The following DNAH2 variants were observed in gnomAD, a reference collection of about 807,000 sequenced individuals.
DNAH2 encodes the protein axonemal beta dynein heavy chain 2.
In DNAH2, 323 loss-of-function variants were observed where a neutral mutation model predicts 523.5. That is an observed-to-expected ratio of 0.62 (90% CI 0.56 to 0.68). The LOEUF (loss-of-function observed/expected upper bound fraction) is 0.68. Ranked by LOEUF, DNAH2 falls within the 30% of genes least tolerant of loss-of-function variation. The pLI, the probability that DNAH2 is intolerant of heterozygous loss-of-function variation, is 0.00. For synonymous variants in DNAH2, 2,093 were observed against 2,177.4 expected (o/e 0.96, Z 1.08); for missense variants, 4,907 against 5,701.5 (o/e 0.86, Z 4.49).
At chr17:7,796,044 GATT>G (rs1343180237) in intron 49 of DNAH2, among the ~76,000 whole-genome samples, 8 of 119,146 alleles carry the variant, frequency 6.7e-5, no homozygotes, top group African/African-American at 2.3e-4. Flanking sequence ...CTGAGTTTAG[GATT>G]TTTTTTTTTT....
In DNAH2 at chr17:7,798,530, G is replaced by A. The variant is rs767993567; in HGVS notation, c.8399-28G>A. 2.5e-6 allele frequency: 4 copies of A among 1,612,554 alleles called. No homozygotes were observed. The highest frequency in any genetic ancestry group is 2.5e-6 in the Non-Finnish European group (3 of 1,179,462). Reference sequence around the variant, plus strand: ...GCCCAGGATGGGGAATCTGCAGTGAGTTTGTCCTCCTTCCCTCCCCCGGCC... The same window carrying A: ...GCCCAGGATGGGGAATCTGCAGTGAATTTGTCCTCCTTCCCTCCCCCGGCC... On this transcript the variant is annotated intron_variant, in intron 54 of 85. Transcript: ENST00000572933. This position sits in a 1 kb window ranked among gnomAD's most constrained non-coding sequence, Gnocchi z 5.5.
chr17:7,770,202 G>C, intron 24 of DNAH2, 50 bp from the exon 25 acceptor site: 3 of 1,531,880 alleles, frequency 2.0e-6, no homozygotes, highest in Non-Finnish European at 1.8e-6. Context: ...AGACAGCAAT[G>C]GAGTGATGGT....
At chr17:7,823,400 A>G in intron 73 of DNAH2, 42 bp from the exon 74 acceptor site, 1 of 1,584,688 alleles carries the variant, frequency 6.3e-7, no homozygotes, top group Non-Finnish European at 8.6e-7. Flanking sequence ...CTTTTGAAGT[A>G]TTCCCAAGTC....
In DNAH2 at chr17:7,719,774, C is replaced by G. The variant is rs149831565; in HGVS notation, c.40C>G (p.Arg14Gly). 1 of 1,614,114 alleles carries G rather than the reference C, an allele frequency of 6.2e-7. No individual in the cohort carries two copies. The highest frequency in any genetic ancestry group is 2.2e-5 in the East Asian group (1 of 44,878). ...TGAGAAGAAGCAGCGATTGAGTGGCCGAGGAAGCTCCCAGGCAAGCTGGTC... is the reference window on the plus strand; with the variant it reads ...TGAGAAGAAGCAGCGATTGAGTGGCGGAGGAAGCTCCCAGGCAAGCTGGTC... ...KAEKKQRLSG[R>G]GSSQASWSGR... is the part of the protein sequence containing the mutation. The change falls in exon 2 of 86, where the codon CGA becomes GGA. Residue 14 changes from arginine to glycine, a missense_variant. Arg to Gly is a moderately radical substitution (Grantham distance 125). Coordinates refer to ENST00000572933, the MANE Select transcript of DNAH2 (RefSeq NM_020877.5).
chr17:7,777,758 A>C, intron 33 of DNAH2, 124 bp downstream of exon 33: 4 of 1,233,712 alleles, frequency 3.2e-6, no homozygotes, highest in African/African-American at 1.5e-5. Context: ...CACTACCCTA[A>C]TCCGGTTCTT....
intron 63 of DNAH2, among the ~76,000 whole-genome samples, chr17:7,813,568 T>G (rs1365416748): frequency 6.6e-6 from 1 of 152,016 alleles, no homozygotes; most frequent in Non-Finnish European, 1.5e-5. Context: ...GTAAAAAAAA[T>G]AGTGAAGTAC....
intron 12 of DNAH2, among the ~76,000 whole-genome samples, chr17:7,750,080 C>G (rs1396809518): frequency 9.2e-5 from 14 of 152,118 alleles, no homozygotes; most frequent in Non-Finnish European, 2.1e-4. Flanking sequence ...CCCAGGATCT[C>G]TGCTCTGCTT....
Position 7,734,489 on chromosome 17 carries a change from C to T in DNAH2, c.759C>T (p.Thr253=), listed in dbSNP as rs1466389395. 6.2e-7 allele frequency: 1 copy of T among 1,613,518 alleles called. No homozygotes were observed. Among genetic ancestry groups the T allele is most frequent in the African/African-American group, 1.3e-5 (1 of 74,698 alleles). Residue 253 remains threonine, a synonymous_variant, in exon 7 of 86, where the codon ACC becomes ACT. Transcript: ENST00000572933. Reference sequence around the variant, plus strand: ...CTGCAGCCTCCATGATCCACTGGACCCGGCAGATAAAGGAGATGCTCAGTG... The same window carrying T: ...CTGCAGCCTCCATGATCCACTGGACTCGGCAGATAAAGGAGATGCTCAGTG... ...QRLETSMIHW[T]RQIKEMLSAQ...
rs750885343 is a variant in DNAH2 at position 7,833,220 on chromosome 17, G to T, written c.13128G>T (p.Lys4376Asn). The T allele has an allele frequency of 1.4e-5, 23 of 1,606,790 alleles. No homozygotes were observed. The highest frequency in any genetic ancestry group is 1.3e-5 in the African/African-American group (1 of 74,908). The change falls in exon 85 of 86, where the codon AAG becomes AAT. Residue 4376 changes from lysine (K) to asparagine (N), a missense_variant and splice_region_variant. Around this residue, in one of 3 missense-constraint regions of DNAH2, gnomAD observed 1,851 missense variants for 2,139.4 expected, o/e 0.87. Coordinates refer to ENST00000572933, the MANE Select transcript of DNAH2 (RefSeq NM_020877.5). The part of the protein sequence containing the change: ...RPAESRKKSA[K>N]GMYSCPCYYY... ...CAGAGAGCCGCAAGAAGAGCGCCAA[G>T]GGTGGGACAGCTCCCCAGGCAGGAC...
Position 7,770,821 on chromosome 17 carries a change from G to A in DNAH2, c.4250G>A (p.Arg1417His), listed in dbSNP as rs146759071. The A allele has an allele frequency of 6.6e-4, 1,058 of 1,614,162 alleles. 3 individuals carry two copies. In the African/African-American group the frequency reaches 0.01, roughly 16 times the overall value. Residue 1417 changes from arginine (R) to histidine (H), a missense_variant, in exon 27 of 86, where the codon CGC (arginine) becomes CAC (histidine). Transcript: ENST00000572933. ...QVALSTMKAS[R>H]FVKAFEKDVD... Reference sequence around the variant, plus strand: ...GCTCTGTCTACCATGAAGGCATCACGCTTTGTCAAGGCCTTTGAGAAGGAT... The same window carrying A: ...GCTCTGTCTACCATGAAGGCATCACACTTTGTCAAGGCCTTTGAGAAGGAT...
At position 7,824,298 on chromosome 17, in the gene DNAH2, A is replaced by C; in HGVS notation, c.11656A>C (p.Thr3886Pro). 1 of 1,521,502 alleles carries C rather than the reference A, an allele frequency of 6.6e-7. No homozygotes were observed. Among genetic ancestry groups the C allele is most frequent in the Non-Finnish European group, 8.8e-7 (1 of 1,139,130 alleles). 94.3% of individuals were successfully genotyped at this position (1,521,502 alleles called of 1,614,324 possible). ...IAARLLREGVTQGHWVFLANC... is the reference protein window; with the variant it reads ...IAARLLREGVPQGHWVFLANC... ...TGCTCGGCTCCTCCGAGAGGGTGTG[A>C]CTCAGGGTTGGTGTCCATCCTTTCT... Residue 3886 changes from threonine (T) to proline (P), a missense_variant, in exon 76 of 86, where the codon ACT (threonine) becomes CCT (proline). This residue lies in a region of DNAH2 where 1,851 missense variants were observed against 2,139.4 expected (regional missense o/e 0.87). Transcript: ENST00000572933.
intron 70 of DNAH2, 54 bp downstream of exon 70, chr17:7,818,830 T>C: frequency 6.2e-7 from 1 of 1,611,426 alleles, no homozygotes; most frequent in South Asian, 1.1e-5. Context: ...CCAGCCAGCC[T>C]CCACCCAGTC....
In DNAH2 at chr17:7,798,150, C is replaced by A. The variant is rs779678369; in HGVS notation, c.8231-7C>A. ...ACTCATTACCCTCACACCCACCCCA[C>A]CCCCAGTCACACGGATCGTGCGGGT... On this transcript the variant is annotated splice_polypyrimidine_tract_variant and splice_region_variant and intron_variant, in intron 53 of 85. Coordinates refer to ENST00000572933, the MANE Select transcript of DNAH2 (RefSeq NM_020877.5). This position sits in a 1 kb window ranked among gnomAD's most constrained non-coding sequence, Gnocchi z 5.5. The A allele has an allele frequency of 2.1e-5, 33 of 1,583,144 alleles. No homozygotes were observed. The highest frequency in any genetic ancestry group is 2.8e-5 in the Non-Finnish European group (33 of 1,157,908).
At chr17:7,741,303 T>TTTCC (rs2075331919) in intron 11 of DNAH2, among the ~76,000 whole-genome samples, 2 of 76,812 alleles carry the variant, frequency 2.6e-5, no homozygotes, top group African/African-American at 5.7e-5. Context: ...TCTTCCTTCC[T>TTTCC]TCCCTCCCTC....
rs1265332548 is a variant in DNAH2 at position 7,831,376 on chromosome 17, T to TG, written c.12460-14_12460-13insG. The TG allele has an allele frequency of 8.1e-6, 13 of 1,614,116 alleles. No homozygotes were observed. Among genetic ancestry groups the TG allele is most frequent in the African/African-American group, 1.3e-5 (1 of 75,040 alleles). On this transcript the variant is annotated splice_polypyrimidine_tract_variant and intron_variant, in intron 80 of 85. Coordinates refer to ENST00000572933, the MANE Select transcript of DNAH2 (RefSeq NM_020877.5). This position sits in a 1 kb window ranked among gnomAD's most constrained non-coding sequence, Gnocchi z 4.2. ...AGAAGAGGGGGCTACACTCAAGAGCTCCTGCCTGCTCAGGTCCTTGAGTTG... is the reference window on the plus strand; with the variant it reads ...AGAAGAGGGGGCTACACTCAAGAGCTGCCTGCCTGCTCAGGTCCTTGAGTTG...
chr17:7,815,094 G>A (rs1270074540), intron 63 of DNAH2, among the ~76,000 whole-genome samples: 1 of 152,184 alleles, frequency 6.6e-6, no homozygotes, highest in Non-Finnish European at 1.5e-5. Flanking sequence ...GGGATTACAG[G>A]GTGAGCCACC....
At chr17:7,773,477 C>T (rs942839743) in intron 28 of DNAH2, among the ~76,000 whole-genome samples, 1 of 152,118 alleles carries the variant, frequency 6.6e-6, no homozygotes, top group Non-Finnish European at 1.5e-5. Flanking sequence ...TCCCCCCCAC[C>T]CACTGGGGAT....
At chr17:7,787,417 C>G (rs2076770480) in intron 42 of DNAH2, 1 of 293,034 alleles carries the variant, frequency 3.4e-6, no homozygotes, top group Admixed American at 4.8e-5. Flanking sequence ...AAAAGGACAA[C>G]CTTGAATAAG....
intron 56 of DNAH2, 73 bp downstream of exon 56, chr17:7,799,315 C>A: frequency 6.3e-7 from 1 of 1,574,914 alleles, no homozygotes; most frequent in Non-Finnish European, 8.7e-7. Flanking sequence ...CCTGTGCCTT[C>A]TGGAAATTAG....
Sources: allele counts gnomAD v4.1 joint callset (sites outside exome capture counted in the v4.1 genomes callset), GRCh38; gene constraint gnomAD v4.1.1; regional missense constraint gnomAD v4.1.1; non-coding constraint Gnocchi (gnomAD v3.1); transcripts MANE v1.5; gene names NCBI Gene and HGNC (gene_info 2026-07-23, HGNC 2026-07-21).